Variants in DLG2 observed in about 807,000 individuals in gnomAD.
The protein encoded by DLG2 is discs large MAGUK scaffold protein 2.
Under a neutral mutation model 132.5 loss-of-function variants are expected in DLG2, and 45 were observed. The observed-to-expected ratio is 0.34, with a 90% CI of 0.27 to 0.44. The LOEUF (loss-of-function observed/expected upper bound fraction) is 0.44. DLG2 is among the 20% of genes least tolerant of loss of function. DLG2 has a pLI of 1.00. For missense variants in DLG2, 1,045 were observed against 1,196.9 expected (o/e 0.87, Z 1.87); for synonymous variants, 424 against 419.6 (o/e 1.01, Z -0.13).
intron 3 of DLG2, among the ~76,000 whole-genome samples, chr11:85,299,594 AC>A (rs1357710674): frequency 6.6e-6 from 1 of 152,140 alleles, no homozygotes; most frequent in Non-Finnish European, 1.5e-5. Flanking sequence ...TTATTTCCCT[AC>A]ATGTAAACTT....
chr11:84,430,482 T>C (rs489716), intron 7 of DLG2, among the ~76,000 whole-genome samples: 65,166 of 149,706 alleles, frequency 0.44, 19,381 homozygotes, highest in African/African-American at 0.86. Context: ...GAAATGCAGC[T>C]AATAAGAGTA....
chr11:84,937,251 C>T (rs570586523), intron 6 of DLG2, among the ~76,000 whole-genome samples: 5 of 152,284 alleles, frequency 3.3e-5, no homozygotes, highest in East Asian at 3.9e-4. Flanking sequence ...GCACTTACTA[C>T]ATCCCAGGCT....
intron 19 of DLG2, among the ~76,000 whole-genome samples, chr11:83,547,661 T>C (rs1195903514): frequency 6.6e-6 from 1 of 152,174 alleles, no homozygotes; most frequent in Non-Finnish European, 1.5e-5. Context: ...ACAATTCTCC[T>C]ATTGAGCCTC....
At chr11:85,424,883 G>A (rs779843616) in intron 3 of DLG2, among the ~76,000 whole-genome samples, 16 of 152,046 alleles carry the variant, frequency 1.1e-4, no homozygotes, top group African/African-American at 2.4e-4. Flanking sequence ...CTTCGACTTC[G>A]CAGCCTGCAG....
At chr11:84,763,127 C>T (rs746481025) in intron 6 of DLG2, among the ~76,000 whole-genome samples, 8 of 152,208 alleles carry the variant, frequency 5.3e-5, no homozygotes, top group Non-Finnish European at 1.2e-4. Context: ...CCGTATCTGT[C>T]TATTCACTGC....
chr11:83,743,739 C>T (rs1159773755), intron 18 of DLG2, among the ~76,000 whole-genome samples: 4 of 152,096 alleles, frequency 2.6e-5, no homozygotes, highest in African/African-American at 7.2e-5. Context: ...TAGCCATGGA[C>T]AGGCTACTTC....
intron 4 of DLG2, among the ~76,000 whole-genome samples, chr11:85,223,949 G>A (rs2074819612): frequency 6.6e-6 from 1 of 152,104 alleles, no homozygotes; most frequent in African/African-American, 2.4e-5. Context: ...TTCTGGGACA[G>A]ACTGCTTGGG....
chr11:85,615,230 C>T (rs117056911), intron 2 of DLG2, among the ~76,000 whole-genome samples: 5,515 of 152,212 alleles, frequency 0.036, 154 homozygotes, highest in Admixed American at 0.053. Flanking sequence ...AAGAAAACAA[C>T]GAATTGGCCA....
rs765348445 is a variant in DLG2 at position 83,486,278 on chromosome 11, T to TAAGA, written c.2194-2054_2194-2051dup. On this transcript the variant is annotated intron_variant, in intron 21 of 27. Coordinates refer to ENST00000376104, the MANE Select transcript of DLG2 (RefSeq NM_001142699.3). ...TGAAAATAAAAGAAAAAAAATCATG[T>TAAGA]AAGAATTAATGGCATGTGATACTGC... 1.2e-4 allele frequency: 85 copies of TAAGA among 688,208 alleles called. 3 individuals carry two copies. Among genetic ancestry groups the TAAGA allele is most frequent in the South Asian group, 3.1e-4 (20 of 64,510 alleles). The allele number at this position is 688,208 out of a possible 1,614,324, so 42.6% of individuals were successfully genotyped here.
chr11:84,623,204 C>T (rs2099616855), intron 6 of DLG2, among the ~76,000 whole-genome samples: 1 of 152,090 alleles, frequency 6.6e-6, no homozygotes, highest in South Asian at 2.1e-4. Context: ...GTTTTCCTAC[C>T]TACATGTATT....
At chr11:84,805,058 T>C (rs1197492268) in intron 6 of DLG2, among the ~76,000 whole-genome samples, 2 of 151,648 alleles carry the variant, frequency 1.3e-5, no homozygotes, top group Non-Finnish European at 2.9e-5. Context: ...TGCCCAAGAG[T>C]AAAAGTATTG....
chr11:85,082,745 T>TC (rs1228421761), intron 6 of DLG2, among the ~76,000 whole-genome samples: 1 of 148,930 alleles, frequency 6.7e-6, no homozygotes, highest in African/African-American at 2.4e-5. Context: ...CTTTTTTTTT[T>TC]TTTTTTTTTT....
chr11:84,713,618 C>T (rs948314420), intron 6 of DLG2, among the ~76,000 whole-genome samples: 1 of 152,102 alleles, frequency 6.6e-6, no homozygotes, highest in Admixed American at 6.6e-5. Flanking sequence ...AAAAACTAGA[C>T]TACCTCTTAT....
intron 16 of DLG2, among the ~76,000 whole-genome samples, chr11:83,834,773 A>T (rs2055648254): frequency 6.6e-6 from 1 of 152,336 alleles, no homozygotes; most frequent in Non-Finnish European, 1.5e-5. Context: ...ATATGGAATT[A>T]TAGAATGTAA....
At chr11:84,027,871 C>T (rs997331061) in intron 11 of DLG2, among the ~76,000 whole-genome samples, 1 of 151,804 alleles carries the variant, frequency 6.6e-6, no homozygotes, top group Middle Eastern at 3.2e-3. Context: ...AATTCCAGAG[C>T]ATTTTTCAAT....
At chr11:84,984,799 C>T (rs1448897952) in intron 6 of DLG2, among the ~76,000 whole-genome samples, 1 of 152,090 alleles carries the variant, frequency 6.6e-6, no homozygotes, top group African/African-American at 2.4e-5. Context: ...AAAGACATTC[C>T]ATGCAAATTG....
chr11:85,032,708 T>C (rs1237694683), intron 6 of DLG2, among the ~76,000 whole-genome samples: 3 of 152,116 alleles, frequency 2.0e-5, no homozygotes, highest in Non-Finnish European at 4.4e-5. Context: ...TACCACCTAA[T>C]TGGATAGGTT....
At position 84,556,755 on chromosome 11, in the gene DLG2, CATT is replaced by C. The variant is rs577496498; in HGVS notation, c.358-22027_358-22025del. Among the ~76,000 whole-genome samples the C allele has an allele frequency of 3.2e-3, 481 of 152,294 alleles. 1 individual carries two copies. The highest frequency in any genetic ancestry group is 5.1e-3 in the Non-Finnish European group (349 of 68,014). ...GTGATTAAAAATTATATTTCAAACT[CATT>C]ATGGAATCATTCATGTGTTCTTATC... On this transcript the variant is annotated intron_variant, in intron 6 of 27. Coordinates refer to ENST00000376104, the MANE Select transcript of DLG2 (RefSeq NM_001142699.3).
intron 6 of DLG2, among the ~76,000 whole-genome samples, chr11:84,723,614 T>C (rs544407229): frequency 6.6e-6 from 1 of 152,244 alleles, no homozygotes; most frequent in East Asian, 1.9e-4. Flanking sequence ...TTAAAATAAA[T>C]GAATTACTGT....
Sources: gnomAD v4.1 joint callset for allele counts (sites outside exome capture counted in the v4.1 genomes callset) on GRCh38, gnomAD v4.1.1 for gene constraint, MANE v1.5 for transcripts, NCBI Gene and HGNC (gene_info 2026-07-23, HGNC 2026-07-21) for gene names.